Variants in DLG2 observed in about 807,000 individuals in gnomAD.
DLG2 encodes discs large MAGUK scaffold protein 2, also known as disks large homolog 2.
In DLG2, 45 loss-of-function variants were observed where a neutral mutation model predicts 132.5. That is an observed-to-expected ratio of 0.34 (90% CI 0.27 to 0.44). DLG2 has a LOEUF of 0.44. Among genes scored for constraint, DLG2 ranks in the 20% least tolerant of loss-of-function variants. The pLI, the probability that DLG2 is intolerant of heterozygous loss-of-function variation, is 1.00. For missense variants in DLG2, 1,045 were observed against 1,196.9 expected (o/e 0.87, Z 1.87); for synonymous variants, 424 against 419.6 (o/e 1.01, Z -0.13).
intron 6 of DLG2, among the ~76,000 whole-genome samples, chr11:84,654,415 G>C (rs1186506512): frequency 6.6e-6 from 1 of 152,102 alleles, no homozygotes; most frequent in Non-Finnish European, 1.5e-5. Context: ...TTCCTGGGGG[G>C]AGGGACTATT....
chr11:84,091,884 T>C (rs1024989029), intron 10 of DLG2, among the ~76,000 whole-genome samples: 20 of 152,186 alleles, frequency 1.3e-4, no homozygotes, highest in African/African-American at 4.8e-4. Flanking sequence ...TGATGTCTTC[T>C]ATCTTGCTAG....
At position 83,601,510 on chromosome 11, in the gene DLG2, C is replaced by CTTTTTTTTT. The variant is rs71066054; in HGVS notation, c.1940+31692_1940+31700dup. ...CAGCTGCAAAGTAATATGTGATGTT[C>CTTTTTTTTT]TTTTTTTTTTTTTTTTTTTTTGACA... On this transcript the variant is annotated intron_variant, in intron 19 of 27. Coordinates refer to ENST00000376104, the MANE Select transcript of DLG2 (RefSeq NM_001142699.3). Among the ~76,000 whole-genome samples, 429 of 94,564 alleles carry CTTTTTTTTT rather than the reference C, an allele frequency of 4.5e-3. 38 individuals carry two copies. The highest frequency in any genetic ancestry group is 5.8e-3 in the Admixed American group (34 of 5,880). 62.0% of individuals were successfully genotyped at this position (94,564 alleles called of 152,430 possible). A position where few individuals can be genotyped will look rare whatever the true frequency, so the allele number is the denominator to read the frequency against.
chr11:85,626,396 T>C (rs553365864), intron 2 of DLG2, among the ~76,000 whole-genome samples, 191 bp downstream of exon 2: 12 of 152,334 alleles, frequency 7.9e-5, no homozygotes, highest in Admixed American at 6.5e-4. Flanking sequence ...AAATCATAAA[T>C]ATCTATCAAT....
At chr11:85,222,417 C>G (rs188183671) in intron 4 of DLG2, among the ~76,000 whole-genome samples, 1 of 152,022 alleles carries the variant, frequency 6.6e-6, no homozygotes, top group African/African-American at 2.4e-5. Context: ...GAAAAAACAC[C>G]CACTCTTCTG....
At chr11:85,190,536 G>A (rs1049032901) in intron 4 of DLG2, among the ~76,000 whole-genome samples, 1 of 151,818 alleles carries the variant, frequency 6.6e-6, no homozygotes, top group Non-Finnish European at 1.5e-5. Context: ...ATGAAATTGA[G>A]ATGTAAAATT....
intron 18 of DLG2, among the ~76,000 whole-genome samples, chr11:83,665,564 G>GTT (rs1465243132): frequency 5.9e-5 from 9 of 152,146 alleles, no homozygotes; most frequent in African/African-American, 2.2e-4. Flanking sequence ...GTGATTCAAG[G>GTT]GTTAAGCAAG....
chr11:84,217,143 T>C (rs1165783093), intron 8 of DLG2, among the ~76,000 whole-genome samples: 1 of 152,208 alleles, frequency 6.6e-6, no homozygotes, highest in Non-Finnish European at 1.5e-5. Flanking sequence ...CTTATTTCTG[T>C]CCATTCTCTG....
rs369148652 is a variant in DLG2 at position 85,298,023 on chromosome 11, C to T, written c.41-12658G>A. Among the ~76,000 whole-genome samples, 15 of 152,190 alleles carry T rather than the reference C, an allele frequency of 9.9e-5. No individual in the cohort carries two copies. The East Asian group carries it at 2.1e-3, about 22-fold the overall frequency. On this transcript the variant is annotated intron_variant, in intron 3 of 27. Coordinates refer to ENST00000376104, the MANE Select transcript of DLG2 (RefSeq NM_001142699.3). Reference sequence around the variant, plus strand: ...GCTTTGTCCTAGCTAAGTAGAGTGACGAGGTCTCCCATGCAGAGCAGTGAC... The same window carrying T: ...GCTTTGTCCTAGCTAAGTAGAGTGATGAGGTCTCCCATGCAGAGCAGTGAC...
At chr11:85,218,957 C>T (rs939307383) in intron 4 of DLG2, among the ~76,000 whole-genome samples, 2 of 152,074 alleles carry the variant, frequency 1.3e-5, no homozygotes, top group Admixed American at 6.6e-5. Flanking sequence ...AGCAAATTAA[C>T]ACAACAAAAC....
intron 5 of DLG2, among the ~76,000 whole-genome samples, chr11:85,139,436 A>T (rs1483570585): frequency 6.6e-6 from 1 of 152,090 alleles, no homozygotes; most frequent in African/African-American, 2.4e-5. Flanking sequence ...ATTTACACTA[A>T]CAATAGTATT....
At chr11:84,378,843 G>A (rs2098739444) in intron 7 of DLG2, among the ~76,000 whole-genome samples, 1 of 123,032 alleles carries the variant, frequency 8.1e-6, no homozygotes, top group Non-Finnish European at 1.5e-5. Flanking sequence ...TACTCAGGAG[G>A]CTGAGGAAGA....
chr11:83,796,909 CA>C (rs1039455789), intron 17 of DLG2, among the ~76,000 whole-genome samples: 3 of 151,966 alleles, frequency 2.0e-5, no homozygotes, highest in South Asian at 2.1e-4. Flanking sequence ...AGTGCTAGCA[CA>C]AAAAAAGTCA....
chr11:84,226,282 T>C (rs929004128), intron 8 of DLG2, among the ~76,000 whole-genome samples: 1 of 152,250 alleles, frequency 6.6e-6, no homozygotes, highest in Non-Finnish European at 1.5e-5. Flanking sequence ...TTGGTTTTCA[T>C]TTGTTTGTAA....
At chr11:84,519,707 AT>A (rs1365203135) in intron 7 of DLG2, among the ~76,000 whole-genome samples, 1 of 152,138 alleles carries the variant, frequency 6.6e-6, no homozygotes, top group Non-Finnish European at 1.5e-5. Flanking sequence ...TTTACAAAAG[AT>A]TTATTCTCAA....
rs1025679451 is a variant in DLG2, at chr11:84,293,057, C to T, written c.520-41766G>A. On this transcript the variant is annotated intron_variant, in intron 7 of 27. Coordinates refer to ENST00000376104, the MANE Select transcript of DLG2 (RefSeq NM_001142699.3). ...GTAAGTTATAGGGGTTTCTCTGTCA[C>T]ACTAAGGAATTTGGTCTGTATCTGA... Among the ~76,000 whole-genome samples, 17 of 152,026 alleles carry T rather than the reference C, an allele frequency of 1.1e-4. 1 individual carries two copies.
At chr11:84,249,484 C>T (rs2097344549) in intron 8 of DLG2, among the ~76,000 whole-genome samples, 1 of 152,192 alleles carries the variant, frequency 6.6e-6, no homozygotes, top group South Asian at 2.1e-4. Context: ...TTGACTCTGC[C>T]TCTTACTGTG....
At chr11:84,370,764 A>G (rs778845169) in intron 7 of DLG2, among the ~76,000 whole-genome samples, 17 of 152,148 alleles carry the variant, frequency 1.1e-4, no homozygotes, top group Non-Finnish European at 2.4e-4. Context: ...TAGGCGTTCA[A>G]GAAATTATTG....
At chr11:84,859,436 GTATATATACATACATA>G (rs2083309867) in intron 6 of DLG2, among the ~76,000 whole-genome samples, 1 of 138,416 alleles carries the variant, frequency 7.2e-6, no homozygotes, top group Non-Finnish European at 1.5e-5. Context: ...ACATATATAT[GTATATATACATACATA>G]TATACATATA....
At position 83,680,472 on chromosome 11, in the gene DLG2, T is replaced by C. The variant is rs148264064; in HGVS notation, c.1826-47147A>G. ...AAACACAGATGTTCATTTGTATCTG[T>C]GATGATTTGCTGAATCTCCTATCTT... On this transcript the variant is annotated intron_variant, in intron 18 of 27. Transcript: ENST00000376104. Among the ~76,000 whole-genome samples, 530 of 152,294 alleles carry C rather than the reference T, an allele frequency of 3.5e-3. 7 individuals are homozygous for C. The highest frequency in any genetic ancestry group is 0.012 in the African/African-American group (504 of 41,570).
Sources: gnomAD v4.1 joint callset for allele counts (sites outside exome capture counted in the v4.1 genomes callset) on GRCh38, gnomAD v4.1.1 for gene constraint, MANE v1.5 for transcripts, NCBI Gene and HGNC (gene_info 2026-07-23, HGNC 2026-07-21) for gene names.